Variants in RNF175 observed in about 807,000 individuals in gnomAD.
RNF175 encodes the protein ring finger protein 175.
In RNF175, 38 loss-of-function variants were observed where a neutral mutation model predicts 50.0. The observed-to-expected ratio is 0.76, with a 90% CI of 0.59 to 1.00. The LOEUF (loss-of-function observed/expected upper bound fraction) is 1.00, where lower values mean the gene tolerates loss of function less well. RNF175 is among the 50% of genes least tolerant of loss of function. The probability of loss-of-function intolerance (pLI) is 0.00; values close to 1 mark genes in which losing one functional copy is unlikely to be tolerated. For synonymous variants in RNF175, 155 were observed against 146.1 expected (o/e 1.06, Z -0.44); for missense variants, 388 against 409.6 (o/e 0.95, Z 0.46).
chr4:153,725,269 A>G (rs2127115720), intron 4 of RNF175, among the ~76,000 whole-genome samples: 1 of 152,262 alleles, frequency 6.6e-6, no homozygotes. Context: ...GTGACTCTTG[A>G]GCCATGGGTT....
intron 3 of RNF175, chr4:153,729,746 G>T (rs533350528): frequency 3.0e-6 from 3 of 984,816 alleles, no homozygotes; most frequent in Non-Finnish European, 3.6e-6. Context: ...TCTTCTTTCA[G>T]AGAACCCTAG....
intron 3 of RNF175, 59 bp from the exon 4 acceptor site, chr4:153,728,420 CACTATTAAATG>C: frequency 7.0e-7 from 1 of 1,435,604 alleles, no homozygotes; most frequent in Non-Finnish European, 9.8e-7. Context: ...ATGGCATCTC[CACTATTAAATG>C]AGTCTGAAGC....
chr4:153,711,620 C>G (rs528210950), intron 8 of RNF175, among the ~76,000 whole-genome samples: 1 of 152,322 alleles, frequency 6.6e-6, no homozygotes, highest in South Asian at 2.1e-4. Flanking sequence ...GAAAGGCTGT[C>G]TCTTAGAGAA....
chr4:153,735,921 T>C (rs546436319), intron 3 of RNF175, among the ~76,000 whole-genome samples: 1 of 152,214 alleles, frequency 6.6e-6, no homozygotes, highest in Non-Finnish European at 1.5e-5. Flanking sequence ...TAGACAATCA[T>C]GTAAGATGGT....
At chr4:153,755,415 C>T (rs1178558521) in intron 1 of RNF175, among the ~76,000 whole-genome samples, 3 of 152,136 alleles carry the variant, frequency 2.0e-5, no homozygotes, top group African/African-American at 4.8e-5. Flanking sequence ...GATCACAAGA[C>T]GTTTGAGACA....
chr4:153,744,068 C>T (rs1177512866), intron 3 of RNF175, among the ~76,000 whole-genome samples: 2 of 152,152 alleles, frequency 1.3e-5, no homozygotes, highest in Non-Finnish European at 2.9e-5. Context: ...AGACCTGACA[C>T]AAGAGCAGCT....
chr4:153,715,781 C>T (rs1021131561), intron 6 of RNF175, 119 bp from the exon 7 acceptor site: 209 of 1,042,484 alleles, frequency 2.0e-4, no homozygotes, highest in Non-Finnish European at 2.7e-4. Flanking sequence ...ATCTCCACTG[C>T]GGCCGGGCAT....
chr4:153,715,535 T>G lies in RNF175; in HGVS notation c.758A>C (p.Asn253Thr). ...TTTCCTTTGAAAAGGATACACATGA[T>G]TACAGGAAAGCTGGTAGGTGTTTTC... ...LIENTYQLSCNHVFHEFCIRG... is the reference protein window; with the variant it reads ...LIENTYQLSCTHVFHEFCIRG... The change falls in exon 7 of 9, where the codon AAT becomes ACT. Residue 253 changes from asparagine to threonine, a missense_variant. Transcript: ENST00000347063. The G allele has an allele frequency of 2.5e-6, 4 of 1,592,798 alleles. No individual in the cohort carries two copies. Among genetic ancestry groups the G allele is most frequent in the Non-Finnish European group, 3.4e-6 (4 of 1,169,050 alleles).
chr4:153,730,491 C>T (rs527797416), intron 3 of RNF175, among the ~76,000 whole-genome samples: 117 of 151,744 alleles, frequency 7.7e-4, no homozygotes, highest in African/African-American at 2.8e-3. Context: ...CATTTATTTT[C>T]TGTAGCTGAT....
Position 153,759,828 on chromosome 4 carries a change from G to C in RNF175, c.35C>G (p.Pro12Arg). ...AAGTAARKAA[P>R]VLEAPPQQEQ... ...CTGCTGCGGGGGGGCCTCCAGCACC[G>C]GCGCTGCCTTCCGCGCCGCCGTCCC... The change falls in exon 1 of 9, where the codon CCG becomes CGG. Residue 12 changes from proline to arginine, a missense_variant. Coordinates refer to ENST00000347063, the MANE Select transcript of RNF175 (RefSeq NM_173662.4). The C allele has an allele frequency of 6.8e-7, 1 of 1,468,966 alleles. No homozygotes were observed. Among genetic ancestry groups the C allele is most frequent in the African/African-American group, 1.5e-5 (1 of 67,906 alleles). 91.0% of individuals were successfully genotyped at this position (1,468,966 alleles called of 1,614,324 possible).
intron 6 of RNF175, among the ~76,000 whole-genome samples, chr4:153,717,540 C>CAT (rs1221578790): frequency 1.3e-5 from 2 of 151,486 alleles, no homozygotes; most frequent in Non-Finnish European, 2.9e-5. Flanking sequence ...CACAAACACA[C>CAT]ACACACACAC....
At chr4:153,759,726 C>T in intron 1 of RNF175, 71 bp downstream of exon 1, 1 of 1,065,234 alleles carries the variant, frequency 9.4e-7, no homozygotes. Context: ...TCTGTGCAGC[C>T]TGCCCGGCAC....
intron 3 of RNF175, among the ~76,000 whole-genome samples, chr4:153,745,003 C>A (rs1299194871): frequency 6.6e-6 from 1 of 152,140 alleles, no homozygotes. Flanking sequence ...GAAATAAATT[C>A]TATGACAGGT....
intron 7 of RNF175, chr4:153,714,568 C>T (rs1039488735): frequency 1.3e-5 from 2 of 152,064 alleles, no homozygotes; most frequent in Admixed American, 6.5e-5. Context: ...GGGTACATAG[C>T]GATGACATTA....
intron 3 of RNF175, among the ~76,000 whole-genome samples, chr4:153,738,348 T>C (rs1739460486): frequency 7.2e-6 from 1 of 138,044 alleles, no homozygotes; most frequent in Admixed American, 7.2e-5. Context: ...TACATCTGGC[T>C]AATTTTTTTT....
rs1225536391 is a variant in RNF175, at chr4:153,720,420, TC to T, written c.510-117del. 1.2e-5 allele frequency: 9 copies of T among 779,322 alleles called. No homozygotes were observed. The East Asian group carries it at 2.0e-4, about 18-fold the overall frequency. The allele number at this position is 779,322 out of a possible 1,614,324, so 48.3% of individuals were successfully genotyped here. ...GAGAACCTTGTGGGTATTTTTTTTT[TC>T]ATTTATGTGTTTGATTTTTCTTTTT... On this transcript the variant is annotated intron_variant, in intron 5 of 8. Coordinates refer to ENST00000347063, the MANE Select transcript of RNF175 (RefSeq NM_173662.4).
intron 1 of RNF175, among the ~76,000 whole-genome samples, chr4:153,753,101 C>T (rs1336515970): frequency 6.6e-6 from 1 of 152,100 alleles, no homozygotes; most frequent in Non-Finnish European, 1.5e-5. Flanking sequence ...TGAAACTGAC[C>T]AGCAGATGGG....
In RNF175 at chr4:153,710,376, A is replaced by C. The variant is rs1414646541; in HGVS notation, c.980T>G (p.Leu327Arg). 2 of 1,554,000 alleles carry C rather than the reference A, an allele frequency of 1.3e-6. No individual in the cohort carries two copies. The highest frequency in any genetic ancestry group is 1.7e-6 in the Non-Finnish European group (2 of 1,147,300). The change falls in exon 9 of 9, where the codon CTG becomes CGG. Residue 327 changes from leucine to arginine, a missense_variant. Leu to Arg is a moderately radical substitution (Grantham distance 102). Coordinates refer to ENST00000347063, the MANE Select transcript of RNF175 (RefSeq NM_173662.4). ...CTTCTGGGGTCTGCTGTCCTATTCC[A>C]GCCCTAGTGAATAGATAATGCCTTG... ...IVQGIIYSLG[L>R]E
At chr4:153,742,161 CTACT>C (rs1020811717) in intron 3 of RNF175, among the ~76,000 whole-genome samples, 1 of 151,496 alleles carries the variant, frequency 6.6e-6, no homozygotes, top group Admixed American at 6.6e-5. Context: ...GTAATCCCAG[CTACT>C]CAGGAGGCTG....
Sources: allele counts gnomAD v4.1 joint callset (sites outside exome capture counted in the v4.1 genomes callset), GRCh38; gene constraint gnomAD v4.1.1; transcripts MANE v1.5; gene names NCBI Gene and HGNC (gene_info 2026-07-23, HGNC 2026-07-21).